Variants in TBC1D5 observed in about 807,000 individuals in gnomAD.
TBC1D5 encodes the protein TBC1 domain family, member 5.
Under a neutral mutation model 100.3 loss-of-function variants are expected in TBC1D5, and 75 were observed. The observed-to-expected ratio is 0.75, with a 90% confidence interval of 0.62 to 0.91. The LOEUF (loss-of-function observed/expected upper bound fraction) is 0.91. TBC1D5 is among the 40% of genes least tolerant of loss of function. The pLI, the probability that TBC1D5 is intolerant of heterozygous loss-of-function variation, is 0.00. For missense variants in TBC1D5, 910 were observed against 942.4 expected, an observed-to-expected ratio of 0.97 and a Z score of 0.45; for synonymous variants, 323 against 325.6, an observed-to-expected ratio of 0.99 and a Z score of 0.09.
chr3:17,428,647 TC>T, intron 3 of TBC1D5, 128 bp from the exon 4 acceptor site: 1 of 306,112 alleles, frequency 3.3e-6, no homozygotes, highest in Non-Finnish European at 6.0e-6. Context: ...CCCCAAATTA[TC>T]TTTTGTACTC....
At chr3:17,213,310 G>A (rs900038082) in intron 18 of TBC1D5, among the ~76,000 whole-genome samples, 17 of 152,152 alleles carry the variant, frequency 1.1e-4, no homozygotes, top group African/African-American at 4.1e-4. Flanking sequence ...TGATGAAATT[G>A]CGTAACAACA....
At chr3:17,305,662 A>C (rs2083326867) in intron 14 of TBC1D5, among the ~76,000 whole-genome samples, 1 of 152,198 alleles carries the variant, frequency 6.6e-6, no homozygotes, top group East Asian at 1.9e-4. Flanking sequence ...TAACATTCCT[A>C]AAACTTCTTA....
chr3:17,190,990 A>AC (rs1161567563), intron 18 of TBC1D5, among the ~76,000 whole-genome samples: 2 of 152,232 alleles, frequency 1.3e-5, no homozygotes, highest in Non-Finnish European at 1.5e-5. Context: ...GCTGTGGTGT[A>AC]CACAAGGGCA....
In TBC1D5 at chr3:17,634,979, C is replaced by G. The variant is rs146894029; in HGVS notation, c.-100-11066G>C. Among the ~76,000 whole-genome samples the G allele has an allele frequency of 6.1e-3, 906 of 147,950 alleles. 5 individuals are homozygous for G. The highest frequency in any genetic ancestry group is 0.031 in the Middle Eastern group (9 of 294). On this transcript the variant is annotated intron_variant, in intron 1 of 21. Transcript: ENST00000253692. ...TAAAATGATACTTGTAGATTATATG[C>G]TTTTTATATGTGGATATAGAAACAA...
intron 14 of TBC1D5, 134 bp downstream of exon 14, chr3:17,307,858 C>G: frequency 9.1e-7 from 1 of 1,095,348 alleles, no homozygotes; most frequent in East Asian, 2.8e-5. Context: ...TTTGAAATTT[C>G]AGTATATTAC....
At chr3:17,347,783 G>C (rs1417213360) in intron 13 of TBC1D5, among the ~76,000 whole-genome samples, 1 of 152,082 alleles carries the variant, frequency 6.6e-6, no homozygotes, top group Non-Finnish European at 1.5e-5. Flanking sequence ...AGAATCACTT[G>C]AGCCCAAGGG....
intron 1 of TBC1D5, among the ~76,000 whole-genome samples, chr3:17,716,772 A>C (rs1307562603): frequency 6.6e-6 from 1 of 152,198 alleles, no homozygotes; most frequent in Non-Finnish European, 1.5e-5. Context: ...CTGCCATAGA[A>C]TATTTCAGGA....
intron 15 of TBC1D5, among the ~76,000 whole-genome samples, chr3:17,266,960 A>G (rs1450269824): frequency 6.6e-6 from 1 of 152,078 alleles, no homozygotes; most frequent in East Asian, 1.9e-4. Flanking sequence ...TTAATTGGGT[A>G]AAGACACAGA....
At chr3:17,630,763 C>T (rs1449095799) in intron 1 of TBC1D5, among the ~76,000 whole-genome samples, 7 of 151,396 alleles carry the variant, frequency 4.6e-5, no homozygotes, top group Admixed American at 3.3e-4. Context: ...AGGCTGGGCA[C>T]GGTGGCTCAT....
chr3:17,236,687 T>C (rs1453179199), intron 17 of TBC1D5, among the ~76,000 whole-genome samples: 4 of 152,156 alleles, frequency 2.6e-5, no homozygotes, highest in Non-Finnish European at 5.9e-5. Flanking sequence ...GGTTTCACCA[T>C]GTTGGCCAGG....
intron 13 of TBC1D5, among the ~76,000 whole-genome samples, chr3:17,320,517 TTC>T (rs2085279449): frequency 6.6e-6 from 1 of 152,248 alleles, no homozygotes; most frequent in African/African-American, 2.4e-5. Context: ...TTCCTAACTT[TTC>T]TCTCTTTGGC....
intron 1 of TBC1D5, among the ~76,000 whole-genome samples, chr3:17,651,925 C>A (rs2065616097): frequency 6.6e-6 from 1 of 151,964 alleles, no homozygotes; most frequent in Non-Finnish European, 1.5e-5. Context: ...AAAATGAGAA[C>A]GAAATAATGC....
chr3:17,486,927 G>A (rs1406559097), intron 3 of TBC1D5, among the ~76,000 whole-genome samples: 3 of 152,132 alleles, frequency 2.0e-5, no homozygotes, highest in Non-Finnish European at 2.9e-5. Flanking sequence ...CTCTAGTGGT[G>A]GTTTTTTAGG....
At chr3:17,435,317 G>A (rs1166386027) in intron 3 of TBC1D5, among the ~76,000 whole-genome samples, 1 of 152,052 alleles carries the variant, frequency 6.6e-6, no homozygotes, top group Non-Finnish European at 1.5e-5. Flanking sequence ...CCAATTTACT[G>A]TATTAGTACC....
chr3:17,564,173 T>C (rs938887580), intron 2 of TBC1D5, among the ~76,000 whole-genome samples: 1 of 152,148 alleles, frequency 6.6e-6, no homozygotes, highest in Admixed American at 6.6e-5. Flanking sequence ...AAAATAAAGA[T>C]AGTTTAAACT....
intron 18 of TBC1D5, among the ~76,000 whole-genome samples, chr3:17,197,254 G>A (rs887104119): frequency 3.3e-5 from 5 of 152,064 alleles, no homozygotes; most frequent in African/African-American, 4.8e-5. Context: ...ATCACTTAAC[G>A]TGTAAAACCA....
At chr3:17,324,399 T>C (rs950277047) in intron 13 of TBC1D5, among the ~76,000 whole-genome samples, 1 of 152,198 alleles carries the variant, frequency 6.6e-6, no homozygotes, top group Non-Finnish European at 1.5e-5. Context: ...CCTAGCACTT[T>C]GGGAGGCCGC....
chr3:17,532,479 T>C (rs1047424027), intron 2 of TBC1D5, among the ~76,000 whole-genome samples: 3 of 152,188 alleles, frequency 2.0e-5, no homozygotes, highest in African/African-American at 4.8e-5. Context: ...AGCCATCCCA[T>C]TACTGGGTGT....
intron 1 of TBC1D5, among the ~76,000 whole-genome samples, chr3:17,670,118 C>G (rs2067768833): frequency 6.6e-6 from 1 of 152,120 alleles, no homozygotes; most frequent in Non-Finnish European, 1.5e-5. Context: ...GAACTCCTAA[C>G]CTCAGGTGAT....
Sources: allele counts gnomAD v4.1 joint callset (sites outside exome capture counted in the v4.1 genomes callset), GRCh38; gene constraint gnomAD v4.1.1; transcripts MANE v1.5; gene names NCBI Gene and HGNC (gene_info 2026-07-23, HGNC 2026-07-21).